The following INTS7 variants were observed in gnomAD, a reference collection of about 807,000 sequenced individuals.
INTS7 encodes the protein integrator complex subunit 7.
A neutral mutation model predicts 109.2 loss-of-function variants in INTS7; 46 were observed. The observed-to-expected ratio is 0.42, with a 90% confidence interval of 0.33 to 0.54. The LOEUF is 0.54. Among genes scored for constraint, INTS7 ranks in the 20% least tolerant of loss-of-function variants. The pLI, the probability that INTS7 is intolerant of heterozygous loss-of-function variation, is 0.07. For synonymous variants in INTS7, 412 were observed against 402.9 expected, an observed-to-expected ratio of 1.02 and a Z score of -0.27; for missense variants, 929 against 1,132.4, an observed-to-expected ratio of 0.82 and a Z score of 2.58.
chr1:212,017,058 T>A, intron 3 of INTS7, 35 bp from the exon 4 acceptor site: 1 of 1,528,306 alleles, frequency 6.5e-7, no homozygotes, highest in South Asian at 1.3e-5. Context: ...AGATCGGGCA[T>A]AAAATAAAGT....
rs556570490 is a variant in INTS7 at position 211,981,959 on chromosome 1, G to C, written c.1132+717C>G. On this transcript the variant is annotated intron_variant, in intron 9 of 19. Coordinates refer to ENST00000366994, the MANE Select transcript of INTS7 (RefSeq NM_015434.4). ...TGAGTGCAGGAGCTTGGCAAACAGA[G>C]TAAAGGCTAGTGAAGGTCAGGTTGC... Among the ~76,000 whole-genome samples, 5 of 152,214 alleles carry C rather than the reference G, an allele frequency of 3.3e-5. No homozygotes were observed. In the South Asian group the frequency reaches 1.0e-3, roughly 32 times the overall value.
Position 212,021,130 on chromosome 1 carries a change from A to T in INTS7, c.177T>A (p.Ile59=). ...ACTTTAGGAATGCAGAATTGATAAG[A>T]ATAGGGAATGGATACTTCTGAAAAA... ...PRLFQKYPFP[I]LINSAFLKLA... Residue 59 remains isoleucine (I), a synonymous_variant, in exon 2 of 20, where the codon ATT becomes ATA. Coordinates refer to ENST00000366994, the MANE Select transcript of INTS7 (RefSeq NM_015434.4). The T allele has an allele frequency of 1.2e-6, 2 of 1,612,536 alleles. No individual in the cohort carries two copies. Among genetic ancestry groups the T allele is most frequent in the Non-Finnish European group, 1.7e-6 (2 of 1,178,850 alleles).
intron 7 of INTS7, among the ~76,000 whole-genome samples, chr1:211,997,018 T>C (rs570799403): frequency 2.0e-5 from 3 of 150,084 alleles, no homozygotes; most frequent in Admixed American, 2.0e-4. Flanking sequence ...AGTGAGACCC[T>C]GTCTCAAAAA....
intron 7 of INTS7, among the ~76,000 whole-genome samples, chr1:211,988,355 G>A (rs1022716055): frequency 7.3e-5 from 11 of 151,314 alleles, no homozygotes; most frequent in Admixed American, 5.3e-4. Context: ...CCAGGAGGTC[G>A]AGACTGCTAT....
intron 8 of INTS7, among the ~76,000 whole-genome samples, chr1:211,985,374 A>C (rs4951435): frequency 0.39 from 58,589 of 152,028 alleles, 13,245 homozygotes; most frequent in Middle Eastern, 0.54. Flanking sequence ...CATTGAAAAA[A>C]CATAATAAAC....
At chr1:212,018,370 A>C (rs1442032413) in intron 3 of INTS7, among the ~76,000 whole-genome samples, 1 of 152,162 alleles carries the variant, frequency 6.6e-6, no homozygotes, top group Non-Finnish European at 1.5e-5. Context: ...TGACTTAGAG[A>C]AGGGCAAGCA....
At chr1:211,945,699 T>C (rs1201742792) in intron 18 of INTS7, among the ~76,000 whole-genome samples, 1 of 152,238 alleles carries the variant, frequency 6.6e-6, no homozygotes, top group Non-Finnish European at 1.5e-5. Context: ...AACATTTGCA[T>C]GGATGTAAAA....
intron 7 of INTS7, among the ~76,000 whole-genome samples, chr1:211,997,067 GA>G (rs1333243842): frequency 1.3e-5 from 2 of 151,854 alleles, no homozygotes; most frequent in African/African-American, 4.8e-5. Context: ...TAAGATGCGG[GA>G]TAAAAGACTA....
intron 18 of INTS7, among the ~76,000 whole-genome samples, 160 bp from the exon 19 acceptor site, chr1:211,945,129 C>T (rs575677451): frequency 1.5e-4 from 23 of 152,286 alleles, no homozygotes; most frequent in Admixed American, 1.1e-3. Flanking sequence ...ACAGATGTAC[C>T]TTTAAAGTGC....
In INTS7 at chr1:211,946,526, A is replaced by G. The variant is rs1662853655; in HGVS notation, c.2415+81T>C. 6.3e-6 allele frequency: 5 copies of G among 797,088 alleles called. No homozygotes were observed. The highest frequency in any genetic ancestry group is 2.3e-5 in the Admixed American group (1 of 44,046). 49.4% of individuals were successfully genotyped at this position (797,088 alleles called of 1,614,324 possible). Reference sequence around the variant, plus strand: ...CAATAAACCAAAGGTAACACACTGAAGTGTAGCTATGTCCTACATAATCTT... The same window carrying G: ...CAATAAACCAAAGGTAACACACTGAGGTGTAGCTATGTCCTACATAATCTT... On this transcript the variant is annotated intron_variant, in intron 18 of 19. Coordinates refer to ENST00000366994, the MANE Select transcript of INTS7 (RefSeq NM_015434.4). This position sits in a 1 kb window ranked among gnomAD's most constrained non-coding sequence, Gnocchi z 4.3.
intron 16 of INTS7, among the ~76,000 whole-genome samples, chr1:211,953,157 G>A (rs1345133598): frequency 6.6e-6 from 1 of 152,088 alleles, no homozygotes; most frequent in African/African-American, 2.4e-5. Flanking sequence ...AAGTAAGATG[G>A]GTAAACTTTG....
In INTS7 at chr1:212,019,947, T is replaced by C. The variant is rs139667768; in HGVS notation, c.371+175A>G. On this transcript the variant is annotated intron_variant, in intron 3 of 19. Coordinates refer to ENST00000366994, the MANE Select transcript of INTS7 (RefSeq NM_015434.4). Reference sequence around the variant, plus strand: ...TAACCAAAACAGTTAACACAGATGTTAACTAAAAAGCATTTGCAGACTGGG... The same window carrying C: ...TAACCAAAACAGTTAACACAGATGTCAACTAAAAAGCATTTGCAGACTGGG... Among the ~76,000 whole-genome samples, 118 of 152,342 alleles carry C rather than the reference T, an allele frequency of 7.7e-4. 1 individual carries two copies. The highest frequency in any genetic ancestry group is 2.7e-3 in the African/African-American group (111 of 41,578).
chr1:211,984,421 C>G (rs1480497731), intron 8 of INTS7, among the ~76,000 whole-genome samples: 2 of 152,018 alleles, frequency 1.3e-5, no homozygotes, highest in Non-Finnish European at 2.9e-5. Context: ...ACCAGCATGA[C>G]CTTACTGTTA....
At chr1:212,014,066 A>G (rs1005795097) in intron 4 of INTS7, among the ~76,000 whole-genome samples, 1 of 152,242 alleles carries the variant, frequency 6.6e-6, no homozygotes, top group African/African-American at 2.4e-5. Flanking sequence ...CTGATCATCA[A>G]TTACTGCTGC....
chr1:212,013,679 C>T (rs1343957553), intron 4 of INTS7, among the ~76,000 whole-genome samples: 5 of 152,134 alleles, frequency 3.3e-5, no homozygotes. Context: ...ACAGGAATAC[C>T]ATTTTTATCT....
chr1:211,984,514 T>C (rs1357733950), intron 8 of INTS7, among the ~76,000 whole-genome samples: 1 of 152,180 alleles, frequency 6.6e-6, no homozygotes, highest in Non-Finnish European at 1.5e-5. Flanking sequence ...TCAGGATATG[T>C]AGATACTGGC....
At chr1:212,016,832 A>G (rs554099117) in intron 4 of INTS7, 54 bp downstream of exon 4, 1 of 1,501,896 alleles carries the variant, frequency 6.7e-7, no homozygotes, top group Non-Finnish European at 9.0e-7. Flanking sequence ...TTTCCTTCAA[A>G]AATTTTTCTT....
At chr1:212,027,719 G>C (rs1208407960) in intron 1 of INTS7, among the ~76,000 whole-genome samples, 1 of 152,228 alleles carries the variant, frequency 6.6e-6, no homozygotes, top group Non-Finnish European at 1.5e-5. Flanking sequence ...AGCAATATCT[G>C]CTAAGTTTTT....
chr1:211,988,147 G>A (rs1664977317), intron 7 of INTS7, 144 bp from the exon 8 acceptor site: 3 of 500,114 alleles, frequency 6.0e-6, no homozygotes, highest in Non-Finnish European at 1.1e-5. Context: ...TCGAGGCCAG[G>A]TGCAGTGGCT....
Sources: allele counts gnomAD v4.1 joint callset (sites outside exome capture counted in the v4.1 genomes callset), GRCh38; gene constraint gnomAD v4.1.1; non-coding constraint Gnocchi (gnomAD v3.1); transcripts MANE v1.5; gene names NCBI Gene and HGNC (gene_info 2026-07-23, HGNC 2026-07-21).